KCNT2: variants seen among roughly 807,000 people sequenced by gnomAD.
The protein encoded by KCNT2 is potassium channel subfamily T member 2.
A neutral mutation model predicts 153.8 loss-of-function variants in KCNT2; 67 were observed. That is an observed-to-expected ratio of 0.44 (90% CI 0.36 to 0.53). The LOEUF (loss-of-function observed/expected upper bound fraction) is 0.53. Among genes scored for constraint, KCNT2 ranks in the 20% least tolerant of loss-of-function variants. KCNT2 has a pLI of 0.00. For synonymous variants in KCNT2, 500 were observed against 458.8 expected (o/e 1.09, Z -1.15); for missense variants, 975 against 1,354.8 (o/e 0.72, Z 4.40).
chr1:196,258,107 A>T (rs1399532973), intron 26 of KCNT2, 87 bp downstream of exon 26: 2 of 1,499,346 alleles, frequency 1.3e-6, no homozygotes, highest in East Asian at 4.6e-5. Flanking sequence ...CAAAAATTCA[A>T]TTCTTTATTA....
intron 25 of KCNT2, among the ~76,000 whole-genome samples, chr1:196,273,805 T>C (rs529614002): frequency 6.6e-6 from 1 of 151,844 alleles, no homozygotes; most frequent in South Asian, 2.1e-4. Context: ...ATTTACAAGA[T>C]TTATTCACTA....
At chr1:196,431,074 T>A (rs1045239547) in intron 8 of KCNT2, among the ~76,000 whole-genome samples, 12 of 152,122 alleles carry the variant, frequency 7.9e-5, no homozygotes, top group African/African-American at 2.9e-4. Context: ...CCTTCTGCCA[T>A]GTGAAGACAC....
At chr1:196,294,720 C>T (rs1056877916) in intron 22 of KCNT2, among the ~76,000 whole-genome samples, 1 of 151,806 alleles carries the variant, frequency 6.6e-6, no homozygotes, top group African/African-American at 2.4e-5. Context: ...TTCATGGCAG[C>T]CTTATTCATA....
chr1:196,486,275 T>C (rs1383458638), intron 3 of KCNT2, among the ~76,000 whole-genome samples: 1 of 151,922 alleles, frequency 6.6e-6, no homozygotes, highest in Non-Finnish European at 1.5e-5. Flanking sequence ...CATGAAACAT[T>C]TTTAAATAAT....
chr1:196,251,555 C>T (rs1230796748), intron 26 of KCNT2, among the ~76,000 whole-genome samples: 1 of 151,854 alleles, frequency 6.6e-6, no homozygotes, highest in South Asian at 2.1e-4. Flanking sequence ...AACATTAAGA[C>T]AACTGGACTC....
At chr1:196,544,640 T>C (rs915473436) in intron 1 of KCNT2, among the ~76,000 whole-genome samples, 1 of 152,100 alleles carries the variant, frequency 6.6e-6, no homozygotes, top group African/African-American at 2.4e-5. Flanking sequence ...ACAAATTGAT[T>C]TGAAATTGAG....
At chr1:196,402,307 T>C (rs1671481090) in intron 12 of KCNT2, among the ~76,000 whole-genome samples, 1 of 151,600 alleles carries the variant, frequency 6.6e-6, no homozygotes, top group African/African-American at 2.4e-5. Flanking sequence ...TTCTATAAAA[T>C]ATATAATCTG....
At chr1:196,599,615 G>C (rs530316547) in intron 1 of KCNT2, among the ~76,000 whole-genome samples, 142 of 152,226 alleles carry the variant, frequency 9.3e-4, no homozygotes, top group Non-Finnish European at 1.7e-3. Flanking sequence ...GATTGGAAGA[G>C]AGGTACAGCT....
At chr1:196,300,952 C>T (rs1305922913) in intron 22 of KCNT2, among the ~76,000 whole-genome samples, 2 of 152,242 alleles carry the variant, frequency 1.3e-5, no homozygotes, top group African/African-American at 4.8e-5. Context: ...AACCTCCTGT[C>T]AGTCCTCTCT....
At chr1:196,504,752 T>A (rs1018545750) in intron 1 of KCNT2, among the ~76,000 whole-genome samples, 1 of 152,186 alleles carries the variant, frequency 6.6e-6, no homozygotes, top group African/African-American at 2.4e-5. Flanking sequence ...ACCTGTTGTT[T>A]CTTGACTTTT....
chr1:196,407,962 T>G (rs1471578028), intron 12 of KCNT2, among the ~76,000 whole-genome samples: 2 of 151,440 alleles, frequency 1.3e-5, no homozygotes, highest in African/African-American at 4.8e-5. Context: ...CTCCTGACTG[T>G]AGGCCTCTGA....
intron 1 of KCNT2, among the ~76,000 whole-genome samples, chr1:196,581,656 A>G (rs981928829): frequency 1.7e-4 from 26 of 152,146 alleles, no homozygotes; most frequent in African/African-American, 5.8e-4. Context: ...AACTGTTATT[A>G]GTAAGAACAT....
At chr1:196,366,071 TTC>T (rs1668012235) in intron 14 of KCNT2, among the ~76,000 whole-genome samples, 1 of 152,154 alleles carries the variant, frequency 6.6e-6, no homozygotes, top group South Asian at 2.1e-4. Flanking sequence ...GGCCCATTGT[TTC>T]TTTTCAGATC....
At chr1:196,283,046 G>C (rs1659267616) in intron 23 of KCNT2, among the ~76,000 whole-genome samples, 1 of 152,192 alleles carries the variant, frequency 6.6e-6, no homozygotes, top group Admixed American at 6.5e-5. Flanking sequence ...GGTTTCCCAT[G>C]TTGGCCATGC....
intron 26 of KCNT2, among the ~76,000 whole-genome samples, chr1:196,245,276 A>C (rs1655336446): frequency 6.6e-6 from 1 of 152,008 alleles, no homozygotes; most frequent in Non-Finnish European, 1.5e-5. Flanking sequence ...GGATTGCTTG[A>C]GCCCGGGAGT....
chr1:196,525,608 T>C (rs6675007), intron 1 of KCNT2, among the ~76,000 whole-genome samples: 2,623 of 152,276 alleles, frequency 0.017, 79 homozygotes, highest in African/African-American at 0.059. Flanking sequence ...TTATTGTGCA[T>C]AATGAGGCTA....
At chr1:196,231,176 T>C (rs1248150109) in intron 27 of KCNT2, among the ~76,000 whole-genome samples, 1 of 151,894 alleles carries the variant, frequency 6.6e-6, no homozygotes, top group Admixed American at 6.6e-5. Flanking sequence ...ATTTTTTTTT[T>C]AGCAATAAAC....
At chr1:196,548,133 TA>T (rs11296124) in intron 1 of KCNT2, among the ~76,000 whole-genome samples, 8,220 of 151,632 alleles carry the variant, frequency 0.054, 735 homozygotes, top group African/African-American at 0.19. Context: ...ATAAAAATAG[TA>T]AAAAAAACAT....
rs530064880 is a variant in KCNT2 at position 196,542,618 on chromosome 1, AAAT to A, written c.96-50280_96-50278del. Among the ~76,000 whole-genome samples, 291 of 152,230 alleles carry A rather than the reference AAAT, an allele frequency of 1.9e-3. 1 individual carries two copies. Among genetic ancestry groups the A allele is most frequent in the Non-Finnish European group, 2.0e-3 (139 of 67,984 alleles). ...ATTAGGAGCACATAACTCACTGGAG[AAAT>A]AATAATTAACATATAAATGGATTGG... On this transcript the variant is annotated intron_variant, in intron 1 of 27. Transcript: ENST00000294725.
Sources: gnomAD v4.1 joint callset for allele counts (sites outside exome capture counted in the v4.1 genomes callset) on GRCh38, gnomAD v4.1.1 for gene constraint, MANE v1.5 for transcripts, NCBI Gene and HGNC (gene_info 2026-07-23, HGNC 2026-07-21) for gene names.